MEGF6: variants seen among roughly 807,000 people sequenced by gnomAD.
MEGF6 encodes multiple epidermal growth factor-like domains protein 6.
In MEGF6, 184 loss-of-function variants were observed where a neutral mutation model predicts 207.1. The observed-to-expected ratio is 0.89, with a 90% CI of 0.79 to 1.00. The LOEUF is 1.00. MEGF6 is among the 50% of genes least tolerant of loss of function. MEGF6 has a pLI of 0.00. For missense variants in MEGF6, 2,282 were observed against 2,202.9 expected (o/e 1.04, Z -0.72); for synonymous variants, 1,038 against 910.0 (o/e 1.14, Z -2.53).
At position 3,501,806 on chromosome 1, in the gene MEGF6, G is replaced by T. The variant is rs775582014; in HGVS notation, c.2304C>A (p.Asp768Glu). The change falls in exon 18 of 37, where the codon GAC becomes GAA. Residue 768 changes from aspartate (D) to glutamate (E), a missense_variant. Coordinates refer to ENST00000356575, the MANE Select transcript of MEGF6 (RefSeq NM_001409.4). ...GCGGCTGACACTCACCTGCCTCACA[G>T]TCTTCCCCAGTCCTCCCCGGCGGAC... ...CRCPPGRTGE[D>E]CEADCPEGRW... 45 of 1,610,130 alleles carry T rather than the reference G, an allele frequency of 2.8e-5. No homozygotes were observed. The Middle Eastern group carries it at 1.7e-3, about 59-fold the overall frequency.
At chr1:3,530,303 A>G (rs969603517) in intron 4 of MEGF6, among the ~76,000 whole-genome samples, 1 of 152,150 alleles carries the variant, frequency 6.6e-6, no homozygotes, top group Admixed American at 6.5e-5. Flanking sequence ...TGGCACTCGA[A>G]ACAGCTAAGG....
intron 4 of MEGF6, among the ~76,000 whole-genome samples, chr1:3,535,818 C>A (rs996231339): frequency 1.3e-5 from 2 of 152,246 alleles, no homozygotes; most frequent in Non-Finnish European, 2.9e-5. Flanking sequence ...GACTCTCCCC[C>A]AAATCCTGTC....
At chr1:3,550,216 C>A (rs1035503406) in intron 4 of MEGF6, among the ~76,000 whole-genome samples, 5 of 152,214 alleles carry the variant, frequency 3.3e-5, no homozygotes, top group African/African-American at 1.2e-4. Flanking sequence ...ACTCAAACCA[C>A]GGTGTGTGCA....
At chr1:3,571,304 G>C (rs755180361) in intron 4 of MEGF6, among the ~76,000 whole-genome samples, 178 of 152,202 alleles carry the variant, frequency 1.2e-3, no homozygotes, top group Non-Finnish European at 1.8e-3. Flanking sequence ...TGTAGGACAC[G>C]ACCCCACCAT....
rs532997514 is a variant in MEGF6 at position 3,565,242 on chromosome 1, C to G, written c.481+14583G>C. ...GGCAGTTGGGCGTCCCCAGGCGCCT[C>G]CTTGTTTATCAGACATGGCACCGAG... On this transcript the variant is annotated intron_variant, in intron 4 of 36. Transcript: ENST00000356575. The surrounding 1 kb of genome is among the most constrained non-coding windows in gnomAD (Gnocchi z 4.8). Among the ~76,000 whole-genome samples, 3 of 152,134 alleles carry G rather than the reference C, an allele frequency of 2.0e-5. No homozygotes were observed. The highest frequency in any genetic ancestry group is 2.9e-5 in the Non-Finnish European group (2 of 67,998).
intron 4 of MEGF6, among the ~76,000 whole-genome samples, chr1:3,535,092 A>G (rs1419262705): frequency 6.6e-6 from 1 of 152,126 alleles, no homozygotes; most frequent in Non-Finnish European, 1.5e-5. Flanking sequence ...TCATCTGTGC[A>G]TGGGCAGAGG....
At chr1:3,555,381 G>C (rs1326635558) in intron 4 of MEGF6, among the ~76,000 whole-genome samples, 3 of 152,212 alleles carry the variant, frequency 2.0e-5, no homozygotes, top group Non-Finnish European at 4.4e-5. Context: ...CAGGCCGCTG[G>C]GTGTGGCTGA....
rs770686206 is a variant in MEGF6, at chr1:3,494,020, A to G, written c.4234T>C (p.Phe1412Leu). 1.9e-6 allele frequency: 3 copies of G among 1,607,636 alleles called. No homozygotes were observed. Among genetic ancestry groups the G allele is most frequent in the Non-Finnish European group, 2.5e-6 (3 of 1,177,892 alleles). Reference sequence around the variant, plus strand: ...CCCCTCTCACAGAAGTGGCCGTGGAAGCCGGCAGGGCAGAGGCATCGGCCA... The same window carrying G: ...CCCCTCTCACAGAAGTGGCCGTGGAGGCCGGCAGGGCAGAGGCATCGGCCA... ...ISGRCLCPAG[F>L]HGHFCERGCE... Residue 1412 changes from phenylalanine to leucine, a missense_variant, in exon 33 of 37, where the codon TTC becomes CTC. By Grantham distance (22) the Phe-to-Leu change is conservative (BLOSUM62 0). Transcript: ENST00000356575.
At chr1:3,563,325 A>G (rs760982232) in intron 4 of MEGF6, among the ~76,000 whole-genome samples, 5 of 152,014 alleles carry the variant, frequency 3.3e-5, no homozygotes, top group Non-Finnish European at 7.4e-5. Context: ...CCTGGCACCT[A>G]TGGCAGCCCA....
chr1:3,593,156 G>A (rs1644006395), intron 3 of MEGF6, among the ~76,000 whole-genome samples: 1 of 152,168 alleles, frequency 6.6e-6, no homozygotes, highest in African/African-American at 2.4e-5. Flanking sequence ...CTCGAGCCAG[G>A]CTGGTGATGG....
the MEGF6 span, among the ~76,000 whole-genome samples, chr1:3,617,721 A>G: frequency 6.6e-6 from 1 of 152,260 alleles, no homozygotes; most frequent in Admixed American, 6.5e-5. Context: ...GGATGAGAGC[A>G]TCCTGGATTT....
intron 2 of MEGF6, among the ~76,000 whole-genome samples, chr1:3,595,795 GCT>G (rs1407337613): frequency 3.3e-5 from 5 of 152,292 alleles, no homozygotes; most frequent in Admixed American, 1.3e-4. Context: ...CGCTCACTCG[GCT>G]CTCAGTACCA....
intron 2 of MEGF6, among the ~76,000 whole-genome samples, chr1:3,601,618 C>T (rs1413374578): frequency 2.0e-5 from 3 of 152,180 alleles, no homozygotes; most frequent in Non-Finnish European, 4.4e-5. Flanking sequence ...TCACCTGTCA[C>T]CAAACCTGAC....
rs202192876 is a variant in MEGF6, at chr1:3,559,960, G to A, written c.481+19865C>T. Among the ~76,000 whole-genome samples the A allele has an allele frequency of 6.1e-4, 91 of 147,988 alleles. 1 individual carries two copies. Among genetic ancestry groups the A allele is most frequent in the Non-Finnish European group, 9.2e-4 (62 of 67,070 alleles). On this transcript the variant is annotated intron_variant, in intron 4 of 36. Coordinates refer to ENST00000356575, the MANE Select transcript of MEGF6 (RefSeq NM_001409.4). ...CGGGAGGCGGAGGTTGCAGTGAGCCGAGATCACACCATGGCACTCAGCCTG... is the reference window on the plus strand; with the variant it reads ...CGGGAGGCGGAGGTTGCAGTGAGCCAAGATCACACCATGGCACTCAGCCTG...
At chr1:3,506,293 T>G in intron 14 of MEGF6, 57 bp from the exon 15 acceptor site, 1 of 1,578,190 alleles carries the variant, frequency 6.3e-7, no homozygotes, top group South Asian at 1.1e-5. Context: ...CCACATGTGG[T>G]CCCCCCATGT....
chr1:3,553,995 C>G (rs1444601903), intron 4 of MEGF6, among the ~76,000 whole-genome samples: 1 of 152,204 alleles, frequency 6.6e-6, no homozygotes, highest in African/African-American at 2.4e-5. Context: ...CTCCCCTCCG[C>G]CAACACCTCA....
rs554614744 is a variant in MEGF6, at chr1:3,556,956, G to C, written c.481+22869C>G. Among the ~76,000 whole-genome samples, 24 of 152,340 alleles carry C rather than the reference G, an allele frequency of 1.6e-4. No individual in the cohort carries two copies. The highest frequency in any genetic ancestry group is 1.4e-3 in the Admixed American group (22 of 15,300). On this transcript the variant is annotated intron_variant, in intron 4 of 36. Transcript: ENST00000356575. The surrounding 1 kb of genome is among the most constrained non-coding windows in gnomAD (Gnocchi z 4.4). ...AAGCCGATCCCGGCTTATCTGGGGG[G>C]CCTGGTGGAATCACATGGAGTTTCA...
At position 3,537,086 on chromosome 1, in the gene MEGF6, A is replaced by AGCCAGAGAGGCTGTGGGC. The variant is rs1158228168; in HGVS notation, c.482-12858_482-12841dup. Among the ~76,000 whole-genome samples, 7 of 152,316 alleles carry AGCCAGAGAGGCTGTGGGC rather than the reference A, an allele frequency of 4.6e-5. No individual in the cohort carries two copies. The East Asian group carries it at 1.4e-3, about 29-fold the overall frequency. ...TGGGCGAAGCTGGGCTGGGTGTGGG[A>AGCCAGAGAGGCTGTGGGC]GCCAGAGAGGCTGTGGGCATAGTGG... On this transcript the variant is annotated intron_variant, in intron 4 of 36. Transcript: ENST00000356575.
intron 4 of MEGF6, among the ~76,000 whole-genome samples, chr1:3,557,716 G>GCCA (rs1643077479): frequency 1.3e-5 from 2 of 152,232 alleles, no homozygotes; most frequent in Admixed American, 1.3e-4. Flanking sequence ...AGAGACGGGG[G>GCCA]GCCCAGGAAG....
Sources: gnomAD v4.1 joint callset for allele counts (sites outside exome capture counted in the v4.1 genomes callset) on GRCh38, gnomAD v4.1.1 for gene constraint, Gnocchi (gnomAD v3.1) non-coding constraint, MANE v1.5 for transcripts, NCBI Gene and HGNC (gene_info 2026-07-23, HGNC 2026-07-21) for gene names.